Variants in CDH6 observed in about 807,000 individuals in gnomAD.
CDH6 encodes cadherin 6.
In CDH6, 31 loss-of-function variants were observed where a neutral mutation model predicts 78.0. The ratio of observed to expected loss-of-function variants is 0.40; its 90% CI spans 0.30 to 0.54. The LOEUF is 0.54. Ranked by LOEUF, CDH6 falls within the 20% of genes least tolerant of loss-of-function variation. The probability of loss-of-function intolerance (pLI) is 0.56; values close to 1 mark genes in which losing one functional copy is unlikely to be tolerated. For synonymous variants in CDH6, 376 were observed against 368.8 expected, an observed-to-expected ratio of 1.02 and a Z score of -0.23; for missense variants, 724 against 975.9, an observed-to-expected ratio of 0.74 and a Z score of 3.44.
At chr5:31,298,892 A>G (rs1329950622) in intron 4 of CDH6, among the ~76,000 whole-genome samples, 1 of 152,186 alleles carries the variant, frequency 6.6e-6, no homozygotes, top group Non-Finnish European at 1.5e-5. Flanking sequence ...CAAGATGATC[A>G]TTATGAGAGA....
intron 1 of CDH6, among the ~76,000 whole-genome samples, chr5:31,239,941 G>A (rs1159357027): frequency 6.6e-6 from 1 of 152,098 alleles, no homozygotes; most frequent in East Asian, 1.9e-4. Flanking sequence ...TAATCTTTCA[G>A]ATAAATGAAT....
At chr5:31,212,367 T>C (rs1458648294) in intron 1 of CDH6, among the ~76,000 whole-genome samples, 2 of 152,202 alleles carry the variant, frequency 1.3e-5, no homozygotes, top group Non-Finnish European at 2.9e-5. Context: ...TTTTCATTAA[T>C]TGGAATGAGC....
intron 1 of CDH6, among the ~76,000 whole-genome samples, chr5:31,201,893 TG>T (rs1414288943): frequency 1.3e-5 from 2 of 152,178 alleles, no homozygotes; most frequent in East Asian, 3.9e-4. Flanking sequence ...TACTAACATT[TG>T]GAATACTAAT....
chr5:31,273,758 A>G (rs960576771), intron 2 of CDH6, among the ~76,000 whole-genome samples: 1 of 152,190 alleles, frequency 6.6e-6, no homozygotes, highest in Non-Finnish European at 1.5e-5. Flanking sequence ...TTTAAAGGCT[A>G]CTTTTAAAGA....
In CDH6 at chr5:31,323,131, C is replaced by T. The variant is rs1213304652; in HGVS notation, c.2196C>T (p.Tyr732=). ...ACACGGACCCCACTGCCCCGCCATACGACTCCTTGGCCACTTACGCCTATG... is the reference window on the plus strand; with the variant it reads ...ACACGGACCCCACTGCCCCGCCATATGACTCCTTGGCCACTTACGCCTATG... ...ENDTDPTAPP[Y]DSLATYAYEG... The change falls in exon 12 of 12, where the codon TAC becomes TAT. Residue 732 remains tyrosine, a synonymous_variant. Transcript: ENST00000265071. 7 of 1,614,036 alleles carry T rather than the reference C, an allele frequency of 4.3e-6. No individual in the cohort carries two copies. Among genetic ancestry groups the T allele is most frequent in the Non-Finnish European group, 5.1e-6 (6 of 1,180,034 alleles).
chr5:31,293,031 C>G (rs73089382), intron 2 of CDH6, among the ~76,000 whole-genome samples: 1,836 of 151,872 alleles, frequency 0.012, 43 homozygotes, highest in African/African-American at 0.042. Context: ...GAAACATGGA[C>G]TACTTATCCA....
At chr5:31,207,954 A>G (rs1740581904) in intron 1 of CDH6, among the ~76,000 whole-genome samples, 1 of 152,186 alleles carries the variant, frequency 6.6e-6, no homozygotes, top group Admixed American at 6.5e-5. Flanking sequence ...TACAAAGTCC[A>G]GTGGGGTCAA....
intron 1 of CDH6, among the ~76,000 whole-genome samples, chr5:31,212,300 T>G (rs1218322005): frequency 1.3e-5 from 2 of 152,200 alleles, no homozygotes; most frequent in East Asian, 3.8e-4. Context: ...TTCCAAATTT[T>G]CAATCAACTT....
chr5:31,208,790 T>C (rs1320196799), intron 1 of CDH6, among the ~76,000 whole-genome samples: 1 of 152,220 alleles, frequency 6.6e-6, no homozygotes, highest in Non-Finnish European at 1.5e-5. Context: ...ACCTTGGAAA[T>C]GTTTCTTGAG....
Position 31,302,146 on chromosome 5 carries a change from C to A in CDH6, c.847C>A (p.Pro283Thr). Reference protein sequence around the residue: ...YQFKTPESSPPGTPIGRIKAS... With the variant: ...YQFKTPESSPTGTPIGRIKAS... The stretch of plus-strand genomic sequence containing the variant: ...GTTTAAAACTCCTGAATCTTCTCCA[C>A]CGGGGACACCAATTGGCAGAATCAA... The change falls in exon 6 of 12, where the codon CCG becomes ACG. Residue 283 changes from proline (P) to threonine (T), a missense_variant. Physicochemically the swap from Pro to Thr is conservative, Grantham distance 38. Coordinates refer to ENST00000265071, the MANE Select transcript of CDH6 (RefSeq NM_004932.4). The A allele has an allele frequency of 1.2e-6, 2 of 1,613,900 alleles. No homozygotes were observed. The highest frequency in any genetic ancestry group is 1.7e-6 in the Non-Finnish European group (2 of 1,179,842).
chr5:31,210,868 G>A (rs1408648315), intron 1 of CDH6, among the ~76,000 whole-genome samples: 3 of 152,084 alleles, frequency 2.0e-5, no homozygotes, highest in Non-Finnish European at 4.4e-5. Flanking sequence ...TGTGGAAGCT[G>A]AACGCACAGA....
chr5:31,318,033 A>C (rs1738376857), intron 11 of CDH6, 109 bp downstream of exon 11: 1 of 1,283,202 alleles, frequency 7.8e-7, no homozygotes. Flanking sequence ...AGCCTGATCT[A>C]GGTGAGTCGA....
intron 1 of CDH6, among the ~76,000 whole-genome samples, chr5:31,194,942 A>T (rs1740122909): frequency 6.6e-6 from 1 of 152,046 alleles, no homozygotes; most frequent in African/African-American, 2.4e-5. Flanking sequence ...CTGCAATAAA[A>T]TCCATATTTT....
intron 1 of CDH6, among the ~76,000 whole-genome samples, chr5:31,263,300 C>T (rs1742259518): frequency 6.6e-6 from 1 of 150,476 alleles, no homozygotes; most frequent in Non-Finnish European, 1.5e-5. Flanking sequence ...CTCTTGTCGC[C>T]CAGGCTGGAG....
chr5:31,277,395 T>C (rs1031389708), intron 2 of CDH6, among the ~76,000 whole-genome samples: 10 of 152,324 alleles, frequency 6.6e-5, no homozygotes, highest in African/African-American at 2.2e-4. Context: ...AAATGATCTT[T>C]TCACTTGGGT....
intron 9 of CDH6, among the ~76,000 whole-genome samples, chr5:31,316,975 T>C (rs1738342929): frequency 6.6e-6 from 1 of 152,260 alleles, no homozygotes; most frequent in African/African-American, 2.4e-5. Flanking sequence ...GAAGTTGCAA[T>C]GTTGTCACCG....
chr5:31,264,231 C>T (rs1185203050), intron 1 of CDH6, among the ~76,000 whole-genome samples: 1 of 152,208 alleles, frequency 6.6e-6, no homozygotes, highest in Non-Finnish European at 1.5e-5. Context: ...GATCAATAAA[C>T]TATCTTCTGC....
At chr5:31,278,805 A>G (rs1189508795) in intron 2 of CDH6, among the ~76,000 whole-genome samples, 1 of 152,220 alleles carries the variant, frequency 6.6e-6, no homozygotes, top group Non-Finnish European at 1.5e-5. Context: ...CTGGAAAATA[A>G]TCTCATCTTA....
At chr5:31,240,492 T>C (rs1741569122) in intron 1 of CDH6, among the ~76,000 whole-genome samples, 1 of 152,066 alleles carries the variant, frequency 6.6e-6, no homozygotes. Context: ...AATCAGATCA[T>C]TTAGGCCACT....
Sources: gnomAD v4.1 joint callset for allele counts (sites outside exome capture counted in the v4.1 genomes callset) on GRCh38, gnomAD v4.1.1 for gene constraint, MANE v1.5 for transcripts, NCBI Gene and HGNC (gene_info 2026-07-23, HGNC 2026-07-21) for gene names.